The following ADAM28 variants were observed in gnomAD, a reference collection of about 807,000 sequenced individuals.
The protein encoded by ADAM28 is disintegrin and metalloproteinase domain-containing protein 28.
A neutral mutation model predicts 101.2 loss-of-function variants in ADAM28; 105 were observed. The observed-to-expected ratio is 1.04, with a 90% CI of 0.89 to 1.22. The LOEUF is 1.22. Ranked by LOEUF, ADAM28 falls within the 50% of genes most tolerant of loss-of-function variation. The pLI is 0.00. For missense variants in ADAM28, 1,028 were observed against 945.4 expected, an observed-to-expected ratio of 1.09 and a Z score of -1.15; for synonymous variants, 322 against 310.6, an observed-to-expected ratio of 1.04 and a Z score of -0.39.
At chr8:24,331,946 A>G (rs1813417087) in intron 12 of ADAM28, among the ~76,000 whole-genome samples, 1 of 152,160 alleles carries the variant, frequency 6.6e-6, no homozygotes. Flanking sequence ...CCTTCAGAGT[A>G]CTGGCTTTCA....
chr8:24,351,788 G>T (rs1375833287), intron 20 of ADAM28, among the ~76,000 whole-genome samples, 199 bp from the exon 21 acceptor site: 2 of 4,860 alleles, frequency 4.1e-4, no homozygotes, highest in Non-Finnish European at 1.7e-3. Context: ...ATCATTTTTT[G>T]ATGAAAACTT....
chr8:24,354,512 CAAGAAGGTT>C lies in ADAM28; in HGVS notation c.*111_*119del. 3 of 1,330,836 alleles carry C rather than the reference CAAGAAGGTT, an allele frequency of 2.3e-6. No homozygotes were observed. The highest frequency in any genetic ancestry group is 3.1e-6 in the Non-Finnish European group (3 of 980,302). 82.4% of individuals were successfully genotyped at this position (1,330,836 alleles called of 1,614,324 possible). ...ATCTCACCAGTATTTGCTCTCGACT[CAAGAAGGTT>C]AACATTTTCTGATTCATGTTAGACT... On this transcript the variant is annotated 3_prime_UTR_variant, in exon 23 of 23. Transcript: ENST00000265769.
chr8:24,341,758 G>C lies in ADAM28; in HGVS notation c.1830+1G>C, dbSNP rs1814796825. 6.2e-7 allele frequency: 1 copy of C among 1,613,444 alleles called. No homozygotes were observed. Among genetic ancestry groups the C allele is most frequent in the Non-Finnish European group, 8.5e-7 (1 of 1,179,618 alleles). On this transcript the variant is annotated splice_donor_variant, in intron 16 of 22. Coordinates refer to ENST00000265769, the MANE Select transcript of ADAM28 (RefSeq NM_014265.6). LOFTEE classifies it high-confidence loss of function. ...TGGAACTAAGTGTGGCGATAACAAGGTAAGTTGAAATTGTGGCTTTCACTC... is the reference window on the plus strand; with the variant it reads ...TGGAACTAAGTGTGGCGATAACAAGCTAAGTTGAAATTGTGGCTTTCACTC...
chr8:24,356,844 C>T lies in ADAM28; in HGVS notation c.*2440C>T, dbSNP rs1357733396. On this transcript the variant is annotated 3_prime_UTR_variant, in exon 23 of 23. Coordinates refer to ENST00000265769, the MANE Select transcript of ADAM28 (RefSeq NM_014265.6). The stretch of plus-strand genomic sequence containing the variant: ...CTTAGTGTTTGTCTACTTATTACAA[C>T]TCACCAAATTACTGGTTTTATATGG... The T allele has an allele frequency of 6.6e-6, 1 of 152,144 alleles. No individual in the cohort carries two copies. The highest frequency in any genetic ancestry group is 1.5e-5 in the Non-Finnish European group (1 of 68,026). The allele number at this position is 152,144 out of a possible 1,614,324, so 9.4% of individuals were successfully genotyped here.
Position 24,313,415 on chromosome 8 carries a change from A to T in ADAM28, c.411A>T (p.Arg137Ser), listed in dbSNP as rs1278388670. The T allele has an allele frequency of 6.2e-7, 1 of 1,612,482 alleles. No homozygotes were observed. The highest frequency in any genetic ancestry group is 8.5e-7 in the Non-Finnish European group (1 of 1,179,374). Residue 137 changes from arginine (R) to serine (S), a missense_variant, in exon 6 of 23, where the codon AGA becomes AGT. Arg to Ser is a moderately radical substitution (Grantham distance 110). Transcript: ENST00000265769. ...LRGYFSQGDQ[R>S]YFIEPLSPIH... ...GCTACTTCAGTCAGGGGGATCAAAG[A>T]TACTTTATTGAACCTTTAAGCCCCA...
At chr8:24,328,824 G>T (rs983219296) in intron 10 of ADAM28, among the ~76,000 whole-genome samples, 5 of 151,856 alleles carry the variant, frequency 3.3e-5, no homozygotes, top group Non-Finnish European at 7.4e-5. Context: ...TAGCTACTGA[G>T]GCAAGAGAAT....
intron 14 of ADAM28, among the ~76,000 whole-genome samples, chr8:24,338,492 T>C (rs1814370528): frequency 6.6e-6 from 1 of 151,738 alleles, no homozygotes; most frequent in African/African-American, 2.4e-5. Flanking sequence ...TGCTTTTCCC[T>C]GATTATTCAT....
intron 15 of ADAM28, among the ~76,000 whole-genome samples, chr8:24,339,936 T>C (rs555826729): frequency 1.3e-3 from 194 of 152,320 alleles, no homozygotes; most frequent in Non-Finnish European, 2.1e-3. Context: ...TGTTTTTCCT[T>C]GTAAGATTCA....
At chr8:24,329,811 G>A (rs1329540594) in intron 10 of ADAM28, among the ~76,000 whole-genome samples, 174 bp from the exon 11 acceptor site, 1 of 151,698 alleles carries the variant, frequency 6.6e-6, no homozygotes, top group Non-Finnish European at 1.5e-5. Context: ...GCTGTGATGG[G>A]CATTCAGTTC....
intron 9 of ADAM28, among the ~76,000 whole-genome samples, chr8:24,324,700 C>T (rs376892504): frequency 6.6e-6 from 1 of 152,040 alleles, no homozygotes; most frequent in South Asian, 2.1e-4. Flanking sequence ...TGAAATAAGG[C>T]TTCTTCACTT....
chr8:24,356,634 A>G lies in ADAM28; in HGVS notation c.*2230A>G, dbSNP rs1198937948. On this transcript the variant is annotated 3_prime_UTR_variant, in exon 23 of 23. Transcript: ENST00000265769. The stretch of plus-strand genomic sequence containing the variant: ...AGAACAGACTTTTTGATTTCACAAT[A>G]CTGTTTCCACACTTACTTATATCCG... The G allele has an allele frequency of 1.3e-5, 2 of 152,152 alleles. No homozygotes were observed. The highest frequency in any genetic ancestry group is 4.8e-5 in the African/African-American group (2 of 41,450). 9.4% of individuals were successfully genotyped at this position (152,152 alleles called of 1,614,324 possible). A position where few individuals can be genotyped will look rare whatever the true frequency, so the allele number is the denominator to read the frequency against.
intron 18 of ADAM28, among the ~76,000 whole-genome samples, chr8:24,346,560 G>T (rs889069441): frequency 2.6e-5 from 4 of 152,002 alleles, no homozygotes; most frequent in African/African-American, 9.7e-5. Context: ...ATGATTTGCA[G>T]CATGACAAAG....
In ADAM28 at chr8:24,343,517, T is replaced by C. The variant is rs985578168; in HGVS notation, c.1923T>C (p.His641=). Reference sequence around the variant, plus strand: ...CATTGCTCCCCTAGGTGTGTGACCATGAGCTCCAGTGTCAATGTGAGGAAG... The same window carrying C: ...CATTGCTCCCCTAGGTGTGTGACCACGAGCTCCAGTGTCAATGTGAGGAAG... ...SKCKGHAVCD[H]ELQCQCEEGW... The change falls in exon 18 of 23, where the codon CAT becomes CAC. Residue 641 remains histidine, a synonymous_variant. Transcript: ENST00000265769. The C allele has an allele frequency of 2.5e-6, 4 of 1,600,946 alleles. No individual in the cohort carries two copies. The highest frequency in any genetic ancestry group is 3.4e-6 in the Non-Finnish European group (4 of 1,168,606).
chr8:24,334,950 C>T (rs1813820924), intron 13 of ADAM28, among the ~76,000 whole-genome samples: 1 of 152,108 alleles, frequency 6.6e-6, no homozygotes, highest in African/African-American at 2.4e-5. Flanking sequence ...AATAGCTGAA[C>T]CTACAATAAA....
chr8:24,356,107 A>C lies in ADAM28; in HGVS notation c.*1703A>C, dbSNP rs1189217578. 6.6e-6 allele frequency: 1 copy of C among 152,168 alleles called. No individual in the cohort carries two copies. Among genetic ancestry groups the C allele is most frequent in the African/African-American group, 2.4e-5 (1 of 41,438 alleles). The allele number at this position is 152,168 out of a possible 1,614,324, so 9.4% of individuals were successfully genotyped here. ...AGAGTCCACTGATCAAATCACTGTC[A>C]AGGATACAGGCTTTTTCTCCATGTG... On this transcript the variant is annotated 3_prime_UTR_variant, in exon 23 of 23. Transcript: ENST00000265769.
chr8:24,294,175 G>A lies in ADAM28; in HGVS notation c.26G>A (p.Ser9Asn). The part of the protein sequence containing the change: MLQGLLPV[S>N]LLLSVAVSAI... ...ATGTTGCAAGGTCTCCTGCCAGTCA[G>A]TCTCCTCCTCTCTGTTGCAGGTACA... The change falls in exon 1 of 23, where the codon AGT (serine) becomes AAT (asparagine). Residue 9 changes from serine (S) to asparagine (N), a missense_variant. Ser to Asn is a conservative substitution (Grantham distance 46, BLOSUM62 1). Coordinates refer to ENST00000265769, the MANE Select transcript of ADAM28 (RefSeq NM_014265.6). 6 of 1,614,152 alleles carry A rather than the reference G, an allele frequency of 3.7e-6. No individual in the cohort carries two copies. The East Asian group carries it at 6.7e-5, about 18-fold the overall frequency.
chr8:24,326,551 C>T lies in ADAM28; in HGVS notation c.891-3C>T. ...GTTACATCAATTTATTCCTTTCTTG[C>T]AGAGCAACAGAACTTGCTGGAACGA... is the stretch of plus-strand genomic sequence containing the variant. On this transcript the variant is annotated splice_polypyrimidine_tract_variant and splice_region_variant and intron_variant, in intron 9 of 22. Transcript: ENST00000265769. 6.2e-7 allele frequency: 1 copy of T among 1,610,444 alleles called. No homozygotes were observed. The highest frequency in any genetic ancestry group is 2.2e-5 in the East Asian group (1 of 44,746).
intron 9 of ADAM28, among the ~76,000 whole-genome samples, chr8:24,325,887 A>AACAAAAAAAC (rs1554514066): frequency 2.9e-5 from 4 of 135,914 alleles, no homozygotes; most frequent in Non-Finnish European, 6.4e-5. Context: ...AAAAAAAAAA[A>AACAAAAAAAC]AAAAAAAAAA....
rs767150950 is a variant in ADAM28, at chr8:24,330,068, T to G, written c.1056T>G (p.Tyr352Ter). Residue 352 changes from tyrosine (Y) to a stop codon, truncating the protein, a stop_gained, in exon 11 of 23, where the codon TAT (tyrosine) becomes TAG (stop). Coordinates refer to ENST00000265769, the MANE Select transcript of ADAM28 (RefSeq NM_014265.6). LOFTEE classifies it high-confidence loss of function. The part of the protein sequence containing the change: ...GHNFGMFHDD[Y>*]SCKCPSTICV... ...ACTTTGGAATGTTTCATGACGACTA[T>G]TCTTGCAAGTGTCCTTCTACAATAT... 6.2e-7 allele frequency: 1 copy of G among 1,613,694 alleles called. No individual in the cohort carries two copies. The highest frequency in any genetic ancestry group is 8.5e-7 in the Non-Finnish European group (1 of 1,179,766).
Sources: gnomAD v4.1 joint callset for allele counts (sites outside exome capture counted in the v4.1 genomes callset) on GRCh38, gnomAD v4.1.1 for gene constraint, MANE v1.5 for transcripts, NCBI Gene and HGNC (gene_info 2026-07-23, HGNC 2026-07-21) for gene names.